The following HFM1 variants were observed in gnomAD, a reference collection of about 807,000 sequenced individuals.
The protein encoded by HFM1 is probable ATP-dependent DNA helicase HFM1.
In HFM1, 169 loss-of-function variants were observed where a neutral mutation model predicts 192.1. The observed-to-expected ratio is 0.88, with a 90% CI of 0.78 to 1.00. The LOEUF (loss-of-function observed/expected upper bound fraction) is 1.00. Ranked by LOEUF, HFM1 falls within the 50% of genes least tolerant of loss-of-function variation. The probability of loss-of-function intolerance (pLI) is 0.00; values close to 1 mark genes in which losing one functional copy is unlikely to be tolerated. For synonymous variants in HFM1, 525 were observed against 537.8 expected, an observed-to-expected ratio of 0.98 and a Z score of 0.33; for missense variants, 1,661 against 1,668.0, an observed-to-expected ratio of 1.00 and a Z score of 0.07.
At chr1:91,390,474 G>T (rs1318338811) in intron 4 of HFM1, among the ~76,000 whole-genome samples, 1 of 150,902 alleles carries the variant, frequency 6.6e-6, no homozygotes, top group African/African-American at 2.4e-5. Context: ...AGGAAGGAAG[G>T]AAGGAGGGAG....
At chr1:91,330,199 A>G (rs1653603403) in intron 20 of HFM1, among the ~76,000 whole-genome samples, 1 of 152,110 alleles carries the variant, frequency 6.6e-6, no homozygotes, top group Non-Finnish European at 1.5e-5. Flanking sequence ...ACTGGTTTTC[A>G]TGTGCTGTTT....
At chr1:91,324,934 C>T (rs1047555615) in intron 20 of HFM1, among the ~76,000 whole-genome samples, 168 bp from the exon 21 acceptor site, 1 of 152,164 alleles carries the variant, frequency 6.6e-6, no homozygotes, top group Non-Finnish European at 1.5e-5. Context: ...AATCTGCACA[C>T]ACAAAAGCAC....
intron 11 of HFM1, 134 bp downstream of exon 11, chr1:91,377,891 T>C (rs1418990430): frequency 1.2e-6 from 1 of 803,798 alleles, no homozygotes; most frequent in East Asian, 2.6e-5. Context: ...TTATGAGATC[T>C]AGCCACAACT....
At chr1:91,302,134 A>C (rs1648873891) in intron 30 of HFM1, among the ~76,000 whole-genome samples, 1 of 151,202 alleles carries the variant, frequency 6.6e-6, no homozygotes, top group South Asian at 2.1e-4. Flanking sequence ...ATATGAACAG[A>C]CACTTCTCAA....
intron 21 of HFM1, 103 bp from the exon 22 acceptor site, chr1:91,323,302 A>G: frequency 5.7e-6 from 4 of 697,854 alleles, no homozygotes; most frequent in Non-Finnish European, 9.8e-6. Flanking sequence ...AAACCATCAC[A>G]GTTTTATCAA....
intron 28 of HFM1, among the ~76,000 whole-genome samples, chr1:91,314,980 G>T (rs1650991790): frequency 1.3e-5 from 2 of 152,120 alleles, no homozygotes; most frequent in Admixed American, 1.3e-4. Context: ...GGCACAATTA[G>T]GAGATTCCCA....
intron 20 of HFM1, among the ~76,000 whole-genome samples, chr1:91,331,859 G>A (rs1653878910): frequency 2.0e-5 from 3 of 152,214 alleles, no homozygotes; most frequent in Middle Eastern, 6.8e-3. Context: ...TCGCACCACT[G>A]CACTCTAGCC....
chr1:91,346,035 A>C (rs12566254), intron 19 of HFM1, among the ~76,000 whole-genome samples: 15,086 of 152,186 alleles, frequency 0.099, 790 homozygotes, highest in East Asian at 0.16. Context: ...TGATTAAATA[A>C]ATTTGTTATG....
At chr1:91,338,726 G>A (rs1206706762) in intron 20 of HFM1, among the ~76,000 whole-genome samples, 9 of 152,070 alleles carry the variant, frequency 5.9e-5, no homozygotes, top group Non-Finnish European at 7.3e-5. Flanking sequence ...GTGCACCACC[G>A]GTACATGCGG....
At chr1:91,383,735 T>C (rs1002863437) in intron 6 of HFM1, among the ~76,000 whole-genome samples, 1 of 152,176 alleles carries the variant, frequency 6.6e-6, no homozygotes, top group East Asian at 1.9e-4. Context: ...TAATTATATA[T>C]TCCTAAAGCA....
chr1:91,310,423 T>G (rs1650268656), intron 30 of HFM1, among the ~76,000 whole-genome samples: 1 of 152,198 alleles, frequency 6.6e-6, no homozygotes, highest in African/African-American at 2.4e-5. Context: ...ATTCCCATAA[T>G]AAAAAATAAT....
chr1:91,401,785 G>A (rs935116880), intron 1 of HFM1, among the ~76,000 whole-genome samples: 6 of 151,528 alleles, frequency 4.0e-5, no homozygotes, highest in South Asian at 2.1e-4. Flanking sequence ...TACTACACAC[G>A]TTTACATTCT....
chr1:91,287,983 A>G (rs1195164680), intron 30 of HFM1, among the ~76,000 whole-genome samples: 1 of 151,908 alleles, frequency 6.6e-6, no homozygotes, highest in East Asian at 1.9e-4. Context: ...AAAAGAAACG[A>G]GCAAAGCCTC....
intron 30 of HFM1, among the ~76,000 whole-genome samples, chr1:91,297,910 C>G (rs1647933574): frequency 6.6e-6 from 1 of 152,212 alleles, no homozygotes; most frequent in Non-Finnish European, 1.5e-5. Context: ...GAACGCAGCT[C>G]CTCACCAGCA....
chr1:91,385,302 G>T, intron 5 of HFM1, 68 bp from the exon 6 acceptor site: 3 of 949,800 alleles, frequency 3.2e-6, no homozygotes, highest in East Asian at 2.6e-5. Context: ...GCTAGGACCT[G>T]AAATGAATAT....
chr1:91,305,064 C>T (rs963394138), intron 30 of HFM1, among the ~76,000 whole-genome samples: 9 of 152,168 alleles, frequency 5.9e-5, no homozygotes, highest in Admixed American at 5.9e-4. Flanking sequence ...GTCTTAATCA[C>T]TGCAGCTTTG....
At chr1:91,341,717 C>T (rs1401641386) in intron 20 of HFM1, among the ~76,000 whole-genome samples, 1 of 151,504 alleles carries the variant, frequency 6.6e-6, no homozygotes, top group African/African-American at 2.4e-5. Context: ...AAAACAGAAA[C>T]CAGACAAATA....
intron 20 of HFM1, among the ~76,000 whole-genome samples, chr1:91,335,299 C>T (rs1267153498): frequency 1.3e-5 from 2 of 152,108 alleles, no homozygotes; most frequent in Admixed American, 1.3e-4. Context: ...ATAATTACCA[C>T]GAGAACTAGT....
At position 91,387,327 on chromosome 1, in the gene HFM1, C is replaced by T. The variant is rs1410446529; in HGVS notation, c.495-1493G>A. 6.6e-5 allele frequency among the ~76,000 whole-genome samples: 10 copies of T among 152,082 alleles called. No homozygotes were observed. In the East Asian group the frequency reaches 9.7e-4, roughly 15 times the overall value. ...ACATCGAAGGATCAAAAAGCGACGTCGCTATGAACGCTTGGCCGCCACAAG... is the reference window on the plus strand; with the variant it reads ...ACATCGAAGGATCAAAAAGCGACGTTGCTATGAACGCTTGGCCGCCACAAG... On this transcript the variant is annotated intron_variant, in intron 4 of 38. Coordinates refer to ENST00000370425, the MANE Select transcript of HFM1 (RefSeq NM_001017975.6).
Sources: gnomAD v4.1 joint callset for allele counts (sites outside exome capture counted in the v4.1 genomes callset) on GRCh38, gnomAD v4.1.1 for gene constraint, MANE v1.5 for transcripts, NCBI Gene and HGNC (gene_info 2026-07-23, HGNC 2026-07-21) for gene names.